Variants in CCT6A observed in about 807,000 individuals in gnomAD.
The protein encoded by CCT6A is T-complex protein 1 subunit zeta.
CCT6A carries 6 observed loss-of-function variants against 58.6 expected under a neutral mutation model. That is an observed-to-expected ratio of 0.10 (90% CI 0.06 to 0.20). CCT6A has a LOEUF of 0.20. Ranked by LOEUF, CCT6A falls within the 10% of genes least tolerant of loss-of-function variation. CCT6A has a pLI of 1.00. For synonymous variants in CCT6A, 245 were observed against 227.8 expected, an observed-to-expected ratio of 1.08 and a Z score of -0.68; for missense variants, 516 against 648.8, an observed-to-expected ratio of 0.80 and a Z score of 2.22.
rs578204172 is a variant in CCT6A at position 56,052,492 on chromosome 7, G to A, written c.201+7G>A. On this transcript the variant is annotated splice_region_variant and intron_variant, in intron 2 of 13. Coordinates refer to ENST00000275603, the MANE Select transcript of CCT6A (RefSeq NM_001762.4). ...TGTGCTGCTTCACGAAATGGTGAGA[G>A]GTGCTCTGGGCTAGGTCAGAAAGGT... is the stretch of plus-strand genomic sequence containing the variant. 97 of 1,610,920 alleles carry A rather than the reference G, an allele frequency of 6.0e-5. No individual in the cohort carries two copies. Among genetic ancestry groups the A allele is most frequent in the Non-Finnish European group, 8.0e-5 (94 of 1,177,194 alleles).
intron 4 of CCT6A, 147 bp downstream of exon 4, chr7:56,055,944 A>G: frequency 1.7e-6 from 1 of 587,400 alleles, no homozygotes; most frequent in Non-Finnish European, 2.9e-6. Flanking sequence ...CTGTGTCTCT[A>G]AAAATGAGGA....
rs1562850341 is a variant in CCT6A, at chr7:56,058,029, G to A, written c.651G>A (p.Arg217=). Residue 217 remains arginine, a synonymous_variant, in exon 6 of 14, where the codon CGG becomes CGA. Transcript: ENST00000275603. ...IRGLVLDHGA[R]HPDMKKRVED... The stretch of plus-strand genomic sequence containing the variant: ...GGCTTGTTTTGGACCACGGAGCACG[G>A]CATCCTGATATGAAGAAAAGGGTGG... 2 of 1,612,560 alleles carry A rather than the reference G, an allele frequency of 1.2e-6. No homozygotes were observed. The highest frequency in any genetic ancestry group is 1.1e-5 in the South Asian group (1 of 91,040).
intron 12 of CCT6A, chr7:56,062,174 G>T (rs1370872442): frequency 9.0e-6 from 2 of 223,194 alleles, no homozygotes; most frequent in Non-Finnish European, 1.8e-5. Context: ...AATAGATGTG[G>T]TGATTATATT....
intron 1 of CCT6A, 84 bp from the exon 2 acceptor site, chr7:56,052,338 A>C (rs1794141011): frequency 7.9e-7 from 1 of 1,271,372 alleles, no homozygotes; most frequent in East Asian, 2.3e-5. Flanking sequence ...GCTCCCTAAA[A>C]TCTGGGAAAA....
At position 56,058,722 on chromosome 7, in the gene CCT6A, T is replaced by A. The variant is rs1794367540; in HGVS notation, c.968+20T>A. On this transcript the variant is annotated intron_variant, in intron 8 of 13. Transcript: ENST00000275603. ...GGAGAGGTATCCGAGTAATTTGACT[T>A]TTACTCATTTTGCAAGTGAATTGGG... 4 of 1,404,308 alleles carry A rather than the reference T, an allele frequency of 2.8e-6. No homozygotes were observed. Among genetic ancestry groups the A allele is most frequent in the South Asian group, 2.4e-5 (2 of 82,242 alleles). The allele number at this position is 1,404,308 out of a possible 1,614,324, so 87.0% of individuals were successfully genotyped here.
intron 9 of CCT6A, chr7:56,059,858 T>A (rs79776912): frequency 7.8e-6 from 2 of 257,692 alleles, no homozygotes; most frequent in Non-Finnish European, 1.5e-5. Flanking sequence ...GACTGGCTAA[T>A]TTTTTTTTTT....
chr7:56,058,024 G>T lies in CCT6A; in HGVS notation c.646G>T (p.Ala216Ser), dbSNP rs908218831. 1 of 1,612,240 alleles carries T rather than the reference G, an allele frequency of 6.2e-7. No homozygotes were observed. The highest frequency in any genetic ancestry group is 1.3e-5 in the African/African-American group (1 of 74,884). The change falls in exon 6 of 14, where the codon GCA becomes TCA. Residue 216 changes from alanine (A) to serine (S), a missense_variant. This residue lies in a region of CCT6A where 315 missense variants were observed against 389.4 expected (regional missense o/e 0.81). Coordinates refer to ENST00000275603, the MANE Select transcript of CCT6A (RefSeq NM_001762.4). Reference protein sequence around the residue: ...LIRGLVLDHGARHPDMKKRVE... With the variant: ...LIRGLVLDHGSRHPDMKKRVE... ...CAGAGGGCTTGTTTTGGACCACGGAGCACGGCATCCTGATATGAAGAAAAG... is the reference window on the plus strand; with the variant it reads ...CAGAGGGCTTGTTTTGGACCACGGATCACGGCATCCTGATATGAAGAAAAG...
intron 4 of CCT6A, 132 bp from the exon 5 acceptor site, chr7:56,056,179 T>C: frequency 1.5e-6 from 1 of 674,420 alleles, no homozygotes; most frequent in Non-Finnish European, 2.7e-6. Flanking sequence ...TAATGTATTC[T>C]ATTTGCTGAT....
chr7:56,060,480 A>G (rs1562851554), intron 10 of CCT6A, 64 bp downstream of exon 10: 2 of 1,534,646 alleles, frequency 1.3e-6, no homozygotes, highest in African/African-American at 2.7e-5. Flanking sequence ...GCATGGCCGA[A>G]TACTGTGTTT....
chr7:56,052,371 T>G (rs780794471), intron 1 of CCT6A, 51 bp from the exon 2 acceptor site: 2 of 1,533,944 alleles, frequency 1.3e-6, no homozygotes, highest in African/African-American at 1.4e-5. Context: ...ATGGGACTTT[T>G]AGTTATCGTT....
Position 56,052,616 on chromosome 7 carries a change from C to T in CCT6A, c.201+131C>T, listed in dbSNP as rs919598989. On this transcript the variant is annotated intron_variant, in intron 2 of 13. Coordinates refer to ENST00000275603, the MANE Select transcript of CCT6A (RefSeq NM_001762.4). ...AAGTGGCGTGTAATCAGTAATAGTC[C>T]TGAGTGCCTGGAGTCTGACAGCCCT... is the stretch of plus-strand genomic sequence containing the variant. 10 of 759,880 alleles carry T rather than the reference C, an allele frequency of 1.3e-5. No homozygotes were observed. The East Asian group carries it at 2.5e-4, about 19-fold the overall frequency. 47.1% of individuals were successfully genotyped at this position (759,880 alleles called of 1,614,324 possible).
chr7:56,058,191 A>G, intron 6 of CCT6A, 88 bp downstream of exon 6: 2 of 935,124 alleles, frequency 2.1e-6, no homozygotes, highest in Admixed American at 2.2e-5. Context: ...TCCCACTGTA[A>G]GGACAATAAT....
chr7:56,056,658 G>T (rs186791416), intron 5 of CCT6A, among the ~76,000 whole-genome samples: 4 of 151,726 alleles, frequency 2.6e-5, no homozygotes, highest in Non-Finnish European at 4.4e-5. Context: ...GGAGGCGGAG[G>T]TTGCAGTGAG....
chr7:56,052,569 T>G, intron 2 of CCT6A, 84 bp downstream of exon 2: 1 of 1,175,084 alleles, frequency 8.5e-7, no homozygotes, highest in South Asian at 1.2e-5. Flanking sequence ...AGTGTCCATT[T>G]TCAAGGTAGG....
rs367660114 is a variant in CCT6A, at chr7:56,062,659, T to C, written c.1451-24T>C. 5.6e-6 allele frequency: 9 copies of C among 1,602,310 alleles called. No individual in the cohort carries two copies. In the Admixed American group the frequency reaches 6.7e-5, roughly 12 times the overall value. On this transcript the variant is annotated intron_variant, in intron 12 of 13. Coordinates refer to ENST00000275603, the MANE Select transcript of CCT6A (RefSeq NM_001762.4). ...TGTTGGTTCTTACTGACTGAACTTA[T>C]TTTAAGATTTGGTTGCCTTTTAGGT...
At chr7:56,056,041 TA>T in intron 4 of CCT6A, among the ~76,000 whole-genome samples, 1 of 152,332 alleles carries the variant, frequency 6.6e-6, no homozygotes, top group South Asian at 2.1e-4. Flanking sequence ...ATTTTTTTAT[TA>T]GAAAGCTTCC....
rs1794518777 is a variant in CCT6A at position 56,063,384 on chromosome 7, A to G, written c.*299A>G. On this transcript the variant is annotated 3_prime_UTR_variant, in exon 14 of 14. Transcript: ENST00000275603. ...AGCATATGTTACTTACCTTGTTATT[A>G]AATATTTCTTGAAAAGCAAATTTTA... The G allele has an allele frequency of 6.3e-6, 2 of 315,398 alleles. No individual in the cohort carries two copies. The highest frequency in any genetic ancestry group is 6.9e-5 in the East Asian group (1 of 14,460). 19.5% of individuals were successfully genotyped at this position (315,398 alleles called of 1,614,324 possible). A position where few individuals can be genotyped will look rare whatever the true frequency, so the allele number is the denominator to read the frequency against.
rs1259634878 is a variant in CCT6A, at chr7:56,063,142, C to T, written c.*57C>T. 8.4e-7 allele frequency: 1 copy of T among 1,196,840 alleles called. No individual in the cohort carries two copies. Among genetic ancestry groups the T allele is most frequent in the African/African-American group, 1.5e-5 (1 of 66,438 alleles). The allele number at this position is 1,196,840 out of a possible 1,614,324, so 74.1% of individuals were successfully genotyped here. ...GACTGCAAAGTGATCCTGAGGATTA[C>T]AGCTGTGGAATTTTTGTCCAAGCTT... On this transcript the variant is annotated 3_prime_UTR_variant, in exon 14 of 14. Coordinates refer to ENST00000275603, the MANE Select transcript of CCT6A (RefSeq NM_001762.4).
chr7:56,062,647 T>C (rs200448023), intron 12 of CCT6A, 36 bp from the exon 13 acceptor site: 1 of 1,549,326 alleles, frequency 6.5e-7, no homozygotes, highest in Non-Finnish European at 8.9e-7. Context: ...TGGTTCTTAC[T>C]GACTGAACTT....
Sources: gnomAD v4.1 joint callset for allele counts (sites outside exome capture counted in the v4.1 genomes callset) on GRCh38, gnomAD v4.1.1 for gene constraint, gnomAD v4.1.1 regional missense constraint, MANE v1.5 for transcripts, NCBI Gene and HGNC (gene_info 2026-07-23, HGNC 2026-07-21) for gene names.